ARHGAP18: variants seen among roughly 807,000 people sequenced by gnomAD.
ARHGAP18 encodes the protein rho GTPase-activating protein 18.
In ARHGAP18, 67 loss-of-function variants were observed where a neutral mutation model predicts 86.2. The ratio of observed to expected loss-of-function variants is 0.78; its 90% CI spans 0.64 to 0.95. ARHGAP18 has a LOEUF of 0.95. Among genes scored for constraint, ARHGAP18 ranks in the 40% least tolerant of loss-of-function variants. The pLI, the probability that ARHGAP18 is intolerant of heterozygous loss-of-function variation, is 0.00. For missense variants in ARHGAP18, 691 were observed against 780.4 expected (o/e 0.89, Z 1.37); for synonymous variants, 283 against 280.4 (o/e 1.01, Z -0.09).
Position 129,629,385 on chromosome 6 carries a change from G to A in ARHGAP18, c.754C>T (p.Gln252Ter). ...GTGGCATCATCGCCTTTGCTCTTCTGGATTTTCTCCTTGGAGCTCTCTTTC... is the reference window on the plus strand; with the variant it reads ...GTGGCATCATCGCCTTTGCTCTTCTAGATTTTCTCCTTGGAGCTCTCTTTC... ...NQKESSKEKI[Q>*]KSKGDDATLP... Residue 252 changes from glutamine to a stop codon, truncating the protein, a stop_gained, in exon 5 of 15, where the codon CAG becomes TAG. Transcript: ENST00000368149. LOFTEE classifies it high-confidence loss of function. 6.2e-7 allele frequency: 1 copy of A among 1,613,682 alleles called. No homozygotes were observed. Among genetic ancestry groups the A allele is most frequent in the Middle Eastern group, 1.7e-4 (1 of 6,038 alleles).
rs1788215791 is a variant in ARHGAP18, at chr6:129,578,084, T to G, written c.*429A>C. ...TGCCATACCTGGTATTTGTTATCTT[T>G]TTGGTCAAAAAGCAAACCTAACTGG... On this transcript the variant is annotated 3_prime_UTR_variant, in exon 15 of 15. Transcript: ENST00000368149. The G allele has an allele frequency of 6.6e-6, 1 of 152,178 alleles. No homozygotes were observed. The highest frequency in any genetic ancestry group is 2.4e-5 in the African/African-American group (1 of 41,440). 9.4% of individuals were successfully genotyped at this position (152,178 alleles called of 1,614,324 possible).
At chr6:129,701,895 A>G (rs1484025149) in intron 1 of ARHGAP18, among the ~76,000 whole-genome samples, 2 of 152,244 alleles carry the variant, frequency 1.3e-5, no homozygotes, top group African/African-American at 4.8e-5. Flanking sequence ...CAAAAGCTCA[A>G]GCTGAAATGA....
chr6:129,643,523 T>C (rs1251057009), intron 1 of ARHGAP18, among the ~76,000 whole-genome samples: 2 of 152,292 alleles, frequency 1.3e-5, no homozygotes, highest in East Asian at 3.9e-4. Context: ...ATTAAACCTC[T>C]TCCCTTTACA....
chr6:129,597,943 A>G (rs1245846607), intron 12 of ARHGAP18, among the ~76,000 whole-genome samples: 1 of 152,204 alleles, frequency 6.6e-6, no homozygotes, highest in Admixed American at 6.5e-5. Context: ...ATTTCCAAAA[A>G]GTAAACGTTT....
rs1327341165 is a variant in ARHGAP18 at position 129,669,777 on chromosome 6, C to T, written c.114-27759G>A. 6.2e-5 allele frequency among the ~76,000 whole-genome samples: 9 copies of T among 144,616 alleles called. No individual in the cohort carries two copies. In the South Asian group the frequency reaches 6.7e-4, roughly 11 times the overall value. The allele number at this position is 144,616 out of a possible 152,430, so 94.9% of individuals were successfully genotyped here. ...TCCAGCCTGGGGAACAAGAGTGAAA[C>T]GTCTCAAAAAAAAAAATAAATAAAT... On this transcript the variant is annotated intron_variant, in intron 1 of 14. Transcript: ENST00000368149.
In ARHGAP18 at chr6:129,584,144, T is replaced by C. The variant is rs547540345; in HGVS notation, c.1714-32A>G. 1.6e-5 allele frequency: 26 copies of C among 1,612,226 alleles called. No homozygotes were observed. In the South Asian group the frequency reaches 2.9e-4, roughly 18 times the overall value. On this transcript the variant is annotated intron_variant, in intron 12 of 14. Coordinates refer to ENST00000368149, the MANE Select transcript of ARHGAP18 (RefSeq NM_033515.3). ...AGCAATAATGACACTGGAACAAAGC[T>C]GGCAGCAGCTGGAACGTGTAACTCT...
At chr6:129,578,634 T>C in intron 14 of ARHGAP18, 30 bp from the exon 15 acceptor site, 2 of 1,543,782 alleles carry the variant, frequency 1.3e-6, no homozygotes, top group Non-Finnish European at 1.8e-6. Context: ...GTCAGTTTAA[T>C]ACAGCAGGTA....
chr6:129,607,158 C>T (rs1362086490), intron 9 of ARHGAP18, among the ~76,000 whole-genome samples: 1 of 152,130 alleles, frequency 6.6e-6, no homozygotes, highest in Non-Finnish European at 1.5e-5. Context: ...AATAGTGCCC[C>T]TTTTCATTCT....
At chr6:129,624,992 T>G (rs1373808733) in intron 5 of ARHGAP18, among the ~76,000 whole-genome samples, 1 of 109,262 alleles carries the variant, frequency 9.2e-6, no homozygotes, top group Non-Finnish European at 1.9e-5. Flanking sequence ...ATATATATTA[T>G]ATATGATATA....
chr6:129,665,796 G>A (rs986198302), intron 1 of ARHGAP18, among the ~76,000 whole-genome samples: 5 of 151,942 alleles, frequency 3.3e-5, no homozygotes, highest in African/African-American at 9.7e-5. Flanking sequence ...TCTGAACCTC[G>A]GTTTTTTCAC....
At chr6:129,709,679 A>G (rs1379674271) in intron 1 of ARHGAP18, among the ~76,000 whole-genome samples, 3 of 152,262 alleles carry the variant, frequency 2.0e-5, no homozygotes, top group Non-Finnish European at 2.9e-5. Flanking sequence ...CCTTGAGCCC[A>G]TTCAAGAATT....
chr6:129,702,568 T>C (rs1187509640), intron 1 of ARHGAP18, among the ~76,000 whole-genome samples: 1 of 152,188 alleles, frequency 6.6e-6, no homozygotes, highest in Non-Finnish European at 1.5e-5. Flanking sequence ...ATACCTGGTC[T>C]AGCAACCCCA....
At chr6:129,607,424 C>T (rs1278532029) in intron 9 of ARHGAP18, among the ~76,000 whole-genome samples, 1 of 152,174 alleles carries the variant, frequency 6.6e-6, no homozygotes, top group East Asian at 1.9e-4. Flanking sequence ...ATGCTTTGCT[C>T]CACACTTCTG....
At position 129,642,871 on chromosome 6, in the gene ARHGAP18, A is replaced by G. The variant is rs1043609437; in HGVS notation, c.114-853T>C. Among the ~76,000 whole-genome samples the G allele has an allele frequency of 2.6e-5, 4 of 152,262 alleles. No homozygotes were observed. In the East Asian group the frequency reaches 5.8e-4, roughly 22 times the overall value. ...AGAAATTTCTAATCTTTATTTATAA[A>G]TGGACCCATGATTTATATGTATTAA... On this transcript the variant is annotated intron_variant, in intron 1 of 14. Transcript: ENST00000368149.
intron 1 of ARHGAP18, among the ~76,000 whole-genome samples, chr6:129,657,969 C>T (rs1036437413): frequency 9.2e-5 from 14 of 152,122 alleles, no homozygotes; most frequent in African/African-American, 2.9e-4. Flanking sequence ...TTCTTATTCC[C>T]ACCTGAAGTG....
intron 1 of ARHGAP18, among the ~76,000 whole-genome samples, chr6:129,701,829 A>G (rs1774716084): frequency 6.6e-6 from 1 of 152,170 alleles, no homozygotes; most frequent in South Asian, 2.1e-4. Flanking sequence ...TGGGTCAGTT[A>G]GCTATGAAAT....
chr6:129,609,244 C>A (rs1461502753), intron 8 of ARHGAP18, among the ~76,000 whole-genome samples: 1 of 152,084 alleles, frequency 6.6e-6, no homozygotes, highest in Non-Finnish European at 1.5e-5. Flanking sequence ...AAAGAGACAA[C>A]CAACATTTTT....
intron 13 of ARHGAP18, among the ~76,000 whole-genome samples, chr6:129,582,626 G>C (rs76608631): frequency 0.032 from 4,856 of 152,250 alleles, 150 homozygotes; most frequent in African/African-American, 0.08. Flanking sequence ...GATCTTCCAA[G>C]TGCCCTCAGG....
chr6:129,605,755 C>T, intron 10 of ARHGAP18, 122 bp downstream of exon 10: 2 of 862,744 alleles, frequency 2.3e-6, no homozygotes, highest in Non-Finnish European at 3.7e-6. Flanking sequence ...TAAAAGTAGG[C>T]TTTTTCTTTA....
Sources: gnomAD v4.1 joint callset for allele counts (sites outside exome capture counted in the v4.1 genomes callset) on GRCh38, gnomAD v4.1.1 for gene constraint, MANE v1.5 for transcripts, NCBI Gene and HGNC (gene_info 2026-07-23, HGNC 2026-07-21) for gene names.